Variants in CFAP46 observed in about 807,000 individuals in gnomAD.
CFAP46 encodes the protein cilia and flagella associated protein 46, also known as cilia- and flagella-associated protein 46.
CFAP46 carries 245 observed loss-of-function variants against 325.7 expected under a neutral mutation model. The observed-to-expected ratio is 0.75, with a 90% CI of 0.68 to 0.84. The LOEUF (loss-of-function observed/expected upper bound fraction) is 0.84. CFAP46 is among the 40% of genes least tolerant of loss of function. The pLI is 0.00. For synonymous variants in CFAP46, 1,523 were observed against 1,495.9 expected (o/e 1.02, Z -0.42); for missense variants, 3,346 against 3,543.0 (o/e 0.94, Z 1.41).
chr10:132,849,903 G>A (rs1010675523), intron 41 of CFAP46, among the ~76,000 whole-genome samples: 1 of 152,198 alleles, frequency 6.6e-6, no homozygotes, highest in Admixed American at 6.5e-5. Context: ...AGCCGCTGCT[G>A]CGGGACACAC....
rs368232356 is a variant in CFAP46 at position 132,856,617 on chromosome 10, CCT to C, written c.5574+971_5574+972del. On this transcript the variant is annotated intron_variant, in intron 39 of 57. Coordinates refer to ENST00000368586, the MANE Select transcript of CFAP46 (RefSeq NM_001200049.3). ...ACCCCACCTGGTGCCTTCTTCATCT[CCT>C]GTGTTGTGGTTTTCACCCTGAAAGT... Among the ~76,000 whole-genome samples, 1,405 of 152,308 alleles carry C rather than the reference CCT, an allele frequency of 9.2e-3. 12 individuals carry two copies. Among genetic ancestry groups the C allele is most frequent in the South Asian group, 0.043 (209 of 4,826 alleles).
At chr10:132,837,878 G>T (rs1218644357) in intron 44 of CFAP46, among the ~76,000 whole-genome samples, 1 of 138,114 alleles carries the variant, frequency 7.2e-6, no homozygotes, top group Non-Finnish European at 1.6e-5. Flanking sequence ...CACACACACA[G>T]ACATGCACGG....
At chr10:132,856,803 G>A (rs774264191) in intron 39 of CFAP46, among the ~76,000 whole-genome samples, 5 of 151,972 alleles carry the variant, frequency 3.3e-5, no homozygotes, top group Admixed American at 2.6e-4. Context: ...TTTTCTATAC[G>A]GCAATATTTT....
At chr10:132,838,828 G>A (rs1477217116) in intron 44 of CFAP46, among the ~76,000 whole-genome samples, 1 of 152,228 alleles carries the variant, frequency 6.6e-6, no homozygotes, top group East Asian at 1.9e-4. Context: ...CTGTGCCAAG[G>A]GGCAGGCATG....
intron 50 of CFAP46, among the ~76,000 whole-genome samples, chr10:132,830,122 GT>G (rs1475827043): frequency 1.9e-4 from 29 of 151,870 alleles, no homozygotes; most frequent in Admixed American, 1.6e-3. Context: ...GGGTATAGAT[GT>G]TTTTTCTTTT....
intron 50 of CFAP46, among the ~76,000 whole-genome samples, chr10:132,815,882 A>AGGCT (rs1280078405): frequency 6.6e-6 from 1 of 152,166 alleles, no homozygotes; most frequent in Non-Finnish European, 1.5e-5. Flanking sequence ...GGGAGGAGGT[A>AGGCT]GGCTGGCCTA....
At chr10:132,929,056 C>T (rs138857557) in intron 9 of CFAP46, 2 of 162,322 alleles carry the variant, frequency 1.2e-5, no homozygotes, top group Admixed American at 1.2e-4. Flanking sequence ...GGTAGCCCCC[C>T]CTTCTCTGAG....
chr10:132,909,289 G>C, intron 20 of CFAP46, 45 bp from the exon 21 acceptor site: 7 of 1,382,604 alleles, frequency 5.1e-6, no homozygotes, highest in Non-Finnish European at 7.0e-6. Context: ...AGCGTGCGGG[G>C]GGAGTCTGGA....
At chr10:132,923,687 C>G (rs984644189) in intron 11 of CFAP46, among the ~76,000 whole-genome samples, 4 of 152,164 alleles carry the variant, frequency 2.6e-5, no homozygotes, top group African/African-American at 9.7e-5. Flanking sequence ...ACAGCTGAGC[C>G]GGGATCCAGG....
chr10:132,860,938 G>C lies in CFAP46; in HGVS notation c.4935C>G (p.Leu1645=). The C allele has an allele frequency of 1.2e-5, 18 of 1,550,716 alleles. No homozygotes were observed. Among genetic ancestry groups the C allele is most frequent in the Non-Finnish European group, 1.5e-5 (17 of 1,147,044 alleles). ...PCAEAQCLLL[L]AQLANKEKNY... ...TTTTCTCCTTGTTGGCCAACTGTGC[G>C]AGGAGGAGCAGGCACTGGGCCTCTG... The change falls in exon 36 of 58, where the codon CTC becomes CTG. Residue 1645 remains leucine, a synonymous_variant. Transcript: ENST00000368586.
chr10:132,928,214 C>T (rs1156822055), intron 9 of CFAP46, among the ~76,000 whole-genome samples: 1 of 152,216 alleles, frequency 6.6e-6, no homozygotes, highest in Non-Finnish European at 1.5e-5. Flanking sequence ...CAGGGACAAG[C>T]CCTGAGGCAC....
chr10:132,908,257 C>T (rs1469516735), intron 22 of CFAP46: 9 of 584,926 alleles, frequency 1.5e-5, no homozygotes, highest in Admixed American at 9.4e-5. Flanking sequence ...GATCTGTGAT[C>T]GCCGCCCAGG....
intron 27 of CFAP46, among the ~76,000 whole-genome samples, chr10:132,883,957 G>A (rs898093023): frequency 2.0e-5 from 3 of 152,144 alleles, no homozygotes; most frequent in African/African-American, 7.2e-5. Flanking sequence ...ATTGTGTGTG[G>A]GTGATTATAT....
At chr10:132,836,254 C>T (rs533156975) in intron 45 of CFAP46, 36 bp from the exon 46 acceptor site, 3 of 1,602,030 alleles carry the variant, frequency 1.9e-6, no homozygotes, top group East Asian at 4.5e-5. Context: ...CGCAGGCAAG[C>T]CATGAAGGAA....
chr10:132,903,020 T>C (rs368705651), intron 22 of CFAP46, among the ~76,000 whole-genome samples: 239 of 129,886 alleles, frequency 1.8e-3, no homozygotes, highest in South Asian at 0.015. Context: ...CCAGTGTGAG[T>C]TGGCCACAGC....
chr10:132,883,477 G>A (rs1277685994), intron 27 of CFAP46, among the ~76,000 whole-genome samples: 1 of 152,226 alleles, frequency 6.6e-6, no homozygotes, highest in Non-Finnish European at 1.5e-5. Flanking sequence ...ATCAAGAGCT[G>A]GTGAGCGTGT....
chr10:132,871,694 G>T (rs569160421), intron 32 of CFAP46, among the ~76,000 whole-genome samples: 1 of 152,226 alleles, frequency 6.6e-6, no homozygotes, highest in African/African-American at 2.4e-5. Flanking sequence ...GAATGGATGC[G>T]GAATTGCCTC....
intron 11 of CFAP46, 109 bp from the exon 12 acceptor site, chr10:132,922,817 CT>C: frequency 1.2e-6 from 1 of 858,992 alleles, no homozygotes; most frequent in Non-Finnish European, 1.8e-6. Flanking sequence ...GTAGGGCAGG[CT>C]TGGTGCCCGG....
intron 11 of CFAP46, 50 bp from the exon 12 acceptor site, chr10:132,922,758 C>A: frequency 7.0e-7 from 1 of 1,436,682 alleles, no homozygotes; most frequent in Non-Finnish European, 9.5e-7. Flanking sequence ...GCGCCTCTGT[C>A]AGGCTGGGGT....
Sources: gnomAD v4.1 joint callset for allele counts (sites outside exome capture counted in the v4.1 genomes callset) on GRCh38, gnomAD v4.1.1 for gene constraint, MANE v1.5 for transcripts, NCBI Gene and HGNC (gene_info 2026-07-23, HGNC 2026-07-21) for gene names.